The following PROSER1 variants were observed in gnomAD, a reference collection of about 807,000 sequenced individuals.
PROSER1 encodes proline and serine rich 1, also known as proline and serine-rich protein 1.
Under a neutral mutation model 71.8 loss-of-function variants are expected in PROSER1, and 36 were observed. The ratio of observed to expected loss-of-function variants is 0.50; its 90% confidence interval spans 0.38 to 0.66. The LOEUF is 0.66. PROSER1 is among the 30% of genes least tolerant of loss of function. The probability of loss-of-function intolerance (pLI) is 0.00; values close to 1 mark genes in which losing one functional copy is unlikely to be tolerated. For synonymous variants in PROSER1, 490 were observed against 452.4 expected (o/e 1.08, Z -1.06); for missense variants, 1,107 against 1,135.0 (o/e 0.98, Z 0.35).
chr13:39,032,152 A>G (rs999204184), intron 2 of PROSER1, among the ~76,000 whole-genome samples: 10 of 152,222 alleles, frequency 6.6e-5, no homozygotes, highest in Admixed American at 5.9e-4. Flanking sequence ...GTTTTAGTGT[A>G]GGTCCACTAA....
intron 10 of PROSER1, among the ~76,000 whole-genome samples, chr13:39,015,206 C>T (rs554514475): frequency 1.1e-4 from 17 of 152,304 alleles, no homozygotes; most frequent in South Asian, 6.2e-4. Flanking sequence ...AGTTCCCAAA[C>T]CCACTCAAGG....
rs1052226548 is a variant in PROSER1 at position 39,011,123 on chromosome 13, A to T, written c.*242T>A. ...AATTCAAAATTTTATAGGACAGGTG[A>T]AAAGTCTCCAAACACTTTTTAAATA... On this transcript the variant is annotated 3_prime_UTR_variant, in exon 13 of 13. Transcript: ENST00000352251. 4.6e-6 allele frequency: 2 copies of T among 434,882 alleles called. No individual in the cohort carries two copies. Among genetic ancestry groups the T allele is most frequent in the Non-Finnish European group, 8.3e-6 (2 of 240,452 alleles). The allele number at this position is 434,882 out of a possible 1,614,324, so 26.9% of individuals were successfully genotyped here. A position where few individuals can be genotyped will look rare whatever the true frequency, so the allele number is the denominator to read the frequency against.
At chr13:39,012,566 GC>G in intron 11 of PROSER1, 124 bp downstream of exon 11, 2 of 790,582 alleles carry the variant, frequency 2.5e-6, no homozygotes, top group Non-Finnish European at 4.0e-6. Context: ...ATTTCAGAGT[GC>G]TAAAGTTTTC....
chr13:39,037,370 A>G lies in PROSER1; in HGVS notation c.-128T>C. ...AGGAAAAAGACTCCACGAGCAAGAG[A>G]GGATGCGAAGAGGTAGAGAGTATTG... On this transcript the variant is annotated 5_prime_UTR_variant, in exon 1 of 13. Coordinates refer to ENST00000352251, the MANE Select transcript of PROSER1 (RefSeq NM_025138.5). 1 of 724,084 alleles carries G rather than the reference A, an allele frequency of 1.4e-6. No individual in the cohort carries two copies. Among genetic ancestry groups the G allele is most frequent in the Non-Finnish European group, 2.5e-6 (1 of 408,158 alleles). 44.9% of individuals were successfully genotyped at this position (724,084 alleles called of 1,614,324 possible). A position where few individuals can be genotyped will look rare whatever the true frequency, so the allele number is the denominator to read the frequency against.
intron 5 of PROSER1, among the ~76,000 whole-genome samples, chr13:39,027,266 G>A (rs1870591589): frequency 6.6e-6 from 1 of 152,072 alleles, no homozygotes; most frequent in South Asian, 2.1e-4. Context: ...CGGGGTGAAT[G>A]CCCTTATATA....
chr13:39,013,496 G>A lies in PROSER1; in HGVS notation c.1756C>T (p.His586Tyr), dbSNP rs1379396471. The A allele has an allele frequency of 1.2e-6, 2 of 1,614,106 alleles. No homozygotes were observed. The highest frequency in any genetic ancestry group is 1.7e-6 in the Non-Finnish European group (2 of 1,180,022). ...GSSASLLRGP[H>Y]PGTSDLHISS... ...ATATGCAGATCTGAGGTACCTGGGT[G>A]GGGGCCACGCAAAAGGGAGGCTGAG... is the stretch of plus-strand genomic sequence containing the variant. Residue 586 changes from histidine (H) to tyrosine (Y), a missense_variant, in exon 11 of 13, where the codon CAC becomes TAC. Coordinates refer to ENST00000352251, the MANE Select transcript of PROSER1 (RefSeq NM_025138.5).
intron 2 of PROSER1, among the ~76,000 whole-genome samples, chr13:39,033,443 A>G (rs1412522430): frequency 2.6e-5 from 4 of 152,232 alleles, no homozygotes; most frequent in Non-Finnish European, 5.9e-5. Context: ...AGCATTTACT[A>G]ACTCAATATA....
chr13:39,015,521 G>C (rs879447678), intron 10 of PROSER1, among the ~76,000 whole-genome samples: 2 of 152,130 alleles, frequency 1.3e-5, no homozygotes, highest in Non-Finnish European at 2.9e-5. Flanking sequence ...GTATAATTAA[G>C]ATTCTTTTGA....
chr13:39,014,520 G>T, intron 10 of PROSER1, 44 bp from the exon 11 acceptor site: 1 of 1,395,686 alleles, frequency 7.2e-7, no homozygotes, highest in Non-Finnish European at 9.8e-7. Flanking sequence ...TCATCATGCT[G>T]AAACGTCAAA....
At position 39,013,658 on chromosome 13, in the gene PROSER1, TG is replaced by T; in HGVS notation, c.1593del (p.Thr532LeufsTer22). ...PSAIPTPQRT[S>X]TPGLALFPGL... ...CCTGGGAACAGGGCCAACCCTGGAGTGGAAGTCCTCTGTGGGGTAGGGATGG... is the reference window on the plus strand; with the variant it reads ...CCTGGGAACAGGGCCAACCCTGGAGTGAAGTCCTCTGTGGGGTAGGGATGG... On this transcript the variant is annotated frameshift_variant, in exon 11 of 13. Coordinates refer to ENST00000352251, the MANE Select transcript of PROSER1 (RefSeq NM_025138.5). LOFTEE classifies it high-confidence loss of function. The T allele has an allele frequency of 6.2e-7, 1 of 1,613,632 alleles. No individual in the cohort carries two copies. Among genetic ancestry groups the T allele is most frequent in the Non-Finnish European group, 8.5e-7 (1 of 1,179,896 alleles).
At position 39,034,209 on chromosome 13, in the gene PROSER1, A is replaced by AAC. The variant is rs199807081; in HGVS notation, c.46-15_46-14dup. Reference sequence around the variant, plus strand: ...CTGTCAAAACAGCCTAAAAAAAAAAAACACACACACACAGAGTAAAACAGC... The same window carrying AAC: ...CTGTCAAAACAGCCTAAAAAAAAAAAACACACACACACACAGAGTAAAACAGC... On this transcript the variant is annotated splice_polypyrimidine_tract_variant and intron_variant, in intron 1 of 12. Coordinates refer to ENST00000352251, the MANE Select transcript of PROSER1 (RefSeq NM_025138.5). 148 of 1,548,950 alleles carry AAC rather than the reference A, an allele frequency of 9.6e-5. No homozygotes were observed. Among genetic ancestry groups the AAC allele is most frequent in the Middle Eastern group, 5.2e-4 (3 of 5,796 alleles).
intron 10 of PROSER1, among the ~76,000 whole-genome samples, chr13:39,016,898 C>T (rs950592260): frequency 6.6e-6 from 1 of 152,166 alleles, no homozygotes; most frequent in Non-Finnish European, 1.5e-5. Flanking sequence ...TAAACAAGAA[C>T]TGATGTAGTT....
intron 5 of PROSER1, among the ~76,000 whole-genome samples, chr13:39,026,785 G>A (rs1251448707): frequency 2.0e-5 from 3 of 152,164 alleles, no homozygotes; most frequent in Non-Finnish European, 2.9e-5. Context: ...CATGGTCCCT[G>A]CTCTTTACAA....
chr13:39,015,839 T>C (rs772434165), intron 10 of PROSER1, among the ~76,000 whole-genome samples: 1 of 151,968 alleles, frequency 6.6e-6, no homozygotes, highest in Non-Finnish European at 1.5e-5. Flanking sequence ...ACAGTACCTA[T>C]AAAAATGGAT....
At chr13:39,029,917 A>T (rs1870756766) in intron 3 of PROSER1, among the ~76,000 whole-genome samples, 2 of 152,190 alleles carry the variant, frequency 1.3e-5, no homozygotes, top group South Asian at 4.1e-4. Context: ...GTGCATTGTG[A>T]TGCACCAAGA....
chr13:39,013,319 A>T lies in PROSER1; in HGVS notation c.1933T>A (p.Ser645Thr), dbSNP rs772016076. 1.9e-6 allele frequency: 3 copies of T among 1,614,208 alleles called. No homozygotes were observed. In the East Asian group the frequency reaches 6.7e-5, roughly 36 times the overall value. Residue 645 changes from serine (S) to threonine (T), a missense_variant, in exon 11 of 13, where the codon TCA becomes ACA. Ser to Thr is a moderately conservative substitution (Grantham distance 58). Transcript: ENST00000352251. ...GATAAACTGATGGGCACGGATGTTG[A>T]AGTATATGCACGGCCCAATGTCCCT... The part of the protein sequence containing the change: ...LSGTLGRAYT[S>T]TSVPISLSAC...
intron 1 of PROSER1, 94 bp downstream of exon 1, chr13:39,037,104 C>A: frequency 1.0e-6 from 1 of 952,874 alleles, no homozygotes; most frequent in Non-Finnish European, 1.7e-6. Flanking sequence ...ATCCTAGGAC[C>A]CTTATTCTGC....
chr13:39,023,044 C>A lies in PROSER1; in HGVS notation c.643+8G>T. 2 of 1,601,388 alleles carry A rather than the reference C, an allele frequency of 1.2e-6. No homozygotes were observed. The highest frequency in any genetic ancestry group is 2.2e-5 in the East Asian group (1 of 44,754). ...GAAAAACAAGTAAAAAATAAGGGAA[C>A]TCCTTACTTGGTGCAATAGTTGCAT... On this transcript the variant is annotated splice_region_variant and intron_variant, in intron 8 of 12. Coordinates refer to ENST00000352251, the MANE Select transcript of PROSER1 (RefSeq NM_025138.5).
rs765236866 is a variant in PROSER1, at chr13:39,012,929, A to C, written c.2323T>G (p.Ser775Ala). The C allele has an allele frequency of 6.2e-7, 1 of 1,614,198 alleles. No individual in the cohort carries two copies. Among genetic ancestry groups the C allele is most frequent in the Non-Finnish European group, 8.5e-7 (1 of 1,180,034 alleles). ...NLSTAVPSLF[S>A]VTQGPLSSSN... Reference sequence around the variant, plus strand: ...GATGACAGAGGTCCTTGAGTAACAGAGAAAAGTGAGGGAACAGCAGTGGAC... The same window carrying C: ...GATGACAGAGGTCCTTGAGTAACAGCGAAAAGTGAGGGAACAGCAGTGGAC... Residue 775 changes from serine to alanine, a missense_variant, in exon 11 of 13, where the codon TCT becomes GCT. Physicochemically the swap from Ser to Ala is moderately conservative, Grantham distance 99. Coordinates refer to ENST00000352251, the MANE Select transcript of PROSER1 (RefSeq NM_025138.5).
Sources: gnomAD v4.1 joint callset for allele counts (sites outside exome capture counted in the v4.1 genomes callset) on GRCh38, gnomAD v4.1.1 for gene constraint, MANE v1.5 for transcripts, NCBI Gene and HGNC (gene_info 2026-07-23, HGNC 2026-07-21) for gene names.